The following CCDC7 variants were observed in gnomAD, a reference collection of about 807,000 sequenced individuals.
CCDC7 encodes coiled-coil domain-containing protein 7.
A neutral mutation model predicts 196.9 loss-of-function variants in CCDC7; 183 were observed. That is an observed-to-expected ratio of 0.93 (90% CI 0.82 to 1.05). CCDC7 has a LOEUF of 1.05. Ranked by LOEUF, CCDC7 falls within the 50% of genes least tolerant of loss-of-function variation. The pLI, the probability that CCDC7 is intolerant of heterozygous loss-of-function variation, is 0.00. For missense variants in CCDC7, 1,540 were observed against 1,482.2 expected, an observed-to-expected ratio of 1.04 and a Z score of -0.64; for synonymous variants, 525 against 484.6, an observed-to-expected ratio of 1.08 and a Z score of -1.10.
chr10:32,860,336 C>T (rs1445810990), intron 41 of CCDC7, among the ~76,000 whole-genome samples: 4 of 151,918 alleles, frequency 2.6e-5, no homozygotes, highest in Non-Finnish European at 4.4e-5. Context: ...CAATAGATGC[C>T]GAAAAGGCCT....
chr10:32,663,173 G>A (rs1299202851), intron 20 of CCDC7, among the ~76,000 whole-genome samples: 1 of 152,106 alleles, frequency 6.6e-6, no homozygotes, highest in South Asian at 2.1e-4. Flanking sequence ...TAAATCTAAC[G>A]AGAGTAACTC....
intron 13 of CCDC7, among the ~76,000 whole-genome samples, chr10:32,552,827 C>T (rs551429825): frequency 3.5e-4 from 53 of 152,180 alleles, no homozygotes; most frequent in African/African-American, 1.2e-3. Context: ...GGTTACTTGG[C>T]GCTTCTGTCT....
intron 25 of CCDC7, among the ~76,000 whole-genome samples, chr10:32,715,007 G>A (rs963120616): frequency 1.3e-5 from 2 of 152,224 alleles, no homozygotes; most frequent in African/African-American, 4.8e-5. Context: ...TGCTGGCTTT[G>A]AAGAGAGCAG....
At chr10:32,654,404 A>G (rs2069367848) in intron 20 of CCDC7, among the ~76,000 whole-genome samples, 1 of 152,134 alleles carries the variant, frequency 6.6e-6, no homozygotes, top group South Asian at 2.1e-4. Context: ...TTTTTTGTTT[A>G]AATTCTAAAT....
rs545562370 is a variant in CCDC7 at position 32,699,500 on chromosome 10, G to T, written c.2458+4508G>T. Among the ~76,000 whole-genome samples, 32 of 149,042 alleles carry T rather than the reference G, an allele frequency of 2.1e-4. 1 individual carries two copies. In the South Asian group the frequency reaches 6.7e-3, roughly 31 times the overall value. On this transcript the variant is annotated intron_variant, in intron 24 of 41. Transcript: ENST00000639629. ...CCAAGTCTTTGCTATTGTGAATAGTGCCACAATAAACATACGTGTGCATGT... is the reference window on the plus strand; with the variant it reads ...CCAAGTCTTTGCTATTGTGAATAGTTCCACAATAAACATACGTGTGCATGT...
intron 13 of CCDC7, among the ~76,000 whole-genome samples, chr10:32,552,208 G>C (rs1434003276): frequency 1.3e-5 from 2 of 152,136 alleles, no homozygotes; most frequent in African/African-American, 4.8e-5. Flanking sequence ...TCTGATGTAA[G>C]AATAGCTATC....
At chr10:32,682,069 A>C (rs3003972) in intron 21 of CCDC7, among the ~76,000 whole-genome samples, 1 of 151,912 alleles carries the variant, frequency 6.6e-6, no homozygotes, top group South Asian at 2.1e-4. Context: ...GGTTTATTAC[A>C]TGGCTATATT....
At chr10:32,531,074 T>G (rs1342831039) in intron 11 of CCDC7, among the ~76,000 whole-genome samples, 1 of 152,222 alleles carries the variant, frequency 6.6e-6, no homozygotes, top group Non-Finnish European at 1.5e-5. Context: ...TTTGTAAACA[T>G]TGAACCATCT....
intron 29 of CCDC7, among the ~76,000 whole-genome samples, chr10:32,793,165 G>A (rs1170310020): frequency 6.6e-6 from 1 of 152,106 alleles, no homozygotes; most frequent in Admixed American, 6.6e-5. Context: ...AGAATACAAA[G>A]GATTTACTGA....
intron 28 of CCDC7, among the ~76,000 whole-genome samples, chr10:32,762,435 G>A (rs2077604868): frequency 6.6e-6 from 1 of 151,386 alleles, no homozygotes; most frequent in African/African-American, 2.4e-5. Context: ...ATTCAACACA[G>A]TGCTTATCAA....
chr10:32,678,801 T>C (rs774574942), intron 21 of CCDC7, among the ~76,000 whole-genome samples: 51 of 152,132 alleles, frequency 3.4e-4, no homozygotes, highest in Non-Finnish European at 4.9e-4. Context: ...ATGAAACTGT[T>C]CTTATTATCC....
intron 5 of CCDC7, among the ~76,000 whole-genome samples, chr10:32,466,929 T>G (rs2036918847): frequency 6.6e-6 from 1 of 152,166 alleles, no homozygotes; most frequent in African/African-American, 2.4e-5. Flanking sequence ...TTTGCCAGCA[T>G]CTTTTATTTT....
intron 20 of CCDC7, among the ~76,000 whole-genome samples, chr10:32,661,519 C>G (rs551839451): frequency 1.3e-5 from 2 of 152,296 alleles, no homozygotes; most frequent in Non-Finnish European, 2.9e-5. Flanking sequence ...CAGAGTCTCA[C>G]CTGATGCCCA....
chr10:32,872,871 C>G (rs1178732846), intron 41 of CCDC7, among the ~76,000 whole-genome samples: 1 of 152,166 alleles, frequency 6.6e-6, no homozygotes, highest in Non-Finnish European at 1.5e-5. Flanking sequence ...TTGGCCCCCA[C>G]TCTCTTCTGG....
intron 20 of CCDC7, among the ~76,000 whole-genome samples, chr10:32,635,572 G>T (rs1590889331): frequency 6.6e-6 from 1 of 152,004 alleles, no homozygotes. Context: ...ATCTCTTGAA[G>T]CCAGGAATTC....
At chr10:32,483,830 G>T (rs535459526) in intron 8 of CCDC7, among the ~76,000 whole-genome samples, 1 of 152,128 alleles carries the variant, frequency 6.6e-6, no homozygotes, top group African/African-American at 2.4e-5. Flanking sequence ...ATTTCCAAGG[G>T]CTCTATTCTG....
chr10:32,709,094 G>A (rs551137600), intron 24 of CCDC7, among the ~76,000 whole-genome samples: 21 of 152,126 alleles, frequency 1.4e-4, no homozygotes, highest in Non-Finnish European at 2.8e-4. Context: ...GTGATAGACT[G>A]GATTAAGAAA....
intron 40 of CCDC7, among the ~76,000 whole-genome samples, chr10:32,852,507 G>C (rs1457961806): frequency 1.3e-5 from 2 of 151,896 alleles, no homozygotes; most frequent in Non-Finnish European, 2.9e-5. Context: ...TTTATAAACG[G>C]AGTCTTGCTC....
intron 28 of CCDC7, among the ~76,000 whole-genome samples, chr10:32,776,819 T>C (rs553656912): frequency 3.5e-4 from 54 of 152,318 alleles, no homozygotes; most frequent in Non-Finnish European, 6.3e-4. Flanking sequence ...AGGTAAAATA[T>C]CTGTAATTAG....
Sources: allele counts gnomAD v4.1 joint callset (sites outside exome capture counted in the v4.1 genomes callset), GRCh38; gene constraint gnomAD v4.1.1; transcripts MANE v1.5; gene names NCBI Gene and HGNC (gene_info 2026-07-23, HGNC 2026-07-21).